The following PTPRN2 variants were observed in gnomAD, a reference collection of about 807,000 sequenced individuals.
PTPRN2 encodes the protein receptor-type tyrosine-protein phosphatase N2.
Under a neutral mutation model 118.8 loss-of-function variants are expected in PTPRN2, and 74 were observed. The ratio of observed to expected loss-of-function variants is 0.62; its 90% CI spans 0.52 to 0.76. The LOEUF is 0.76. Ranked by LOEUF, PTPRN2 falls within the 30% of genes least tolerant of loss-of-function variation. The pLI, the probability that PTPRN2 is intolerant of heterozygous loss-of-function variation, is 0.00. For missense variants in PTPRN2, 1,481 were observed against 1,394.4 expected (o/e 1.06, Z -0.99); for synonymous variants, 641 against 608.0 (o/e 1.05, Z -0.80).
At chr7:158,341,840 C>A (rs1488433656) in intron 2 of PTPRN2, among the ~76,000 whole-genome samples, 1 of 87,050 alleles carries the variant, frequency 1.1e-5, no homozygotes, top group African/African-American at 5.3e-5. Flanking sequence ...TCACTCACAC[C>A]CACACTCTCA....
chr7:157,977,594 G>A lies in PTPRN2; in HGVS notation c.1724-78857C>T, dbSNP rs2128824733. 6.6e-6 allele frequency among the ~76,000 whole-genome samples: 1 copy of A among 151,874 alleles called. No individual in the cohort carries two copies. The highest frequency in any genetic ancestry group is 1.9e-4 in the East Asian group (1 of 5,150). On this transcript the variant is annotated intron_variant, in intron 11 of 22. Coordinates refer to ENST00000389418, the MANE Select transcript of PTPRN2 (RefSeq NM_002847.5). This position sits in a 1 kb window ranked among gnomAD's most constrained non-coding sequence, Gnocchi z 4.6. The stretch of plus-strand genomic sequence containing the variant: ...GGTGGGATGACGTGAGAAGGCCCCA[G>A]GTGGGATGACGTGAGTGTGTTCATG...
chr7:158,149,953 A>T (rs1820788103), intron 6 of PTPRN2, among the ~76,000 whole-genome samples: 1 of 152,230 alleles, frequency 6.6e-6, no homozygotes, highest in South Asian at 2.1e-4. Flanking sequence ...ATGAAAAATA[A>T]AAATAGAAAG....
intron 11 of PTPRN2, 30 bp from the exon 12 acceptor site, chr7:157,898,767 T>G: frequency 6.4e-7 from 1 of 1,562,498 alleles, no homozygotes; most frequent in Non-Finnish European, 8.8e-7. Context: ...AGCACAAGAG[T>G]CAGGTTGGAG....
At chr7:158,540,971 A>G (rs1323560028) in intron 1 of PTPRN2, among the ~76,000 whole-genome samples, 5 of 151,878 alleles carry the variant, frequency 3.3e-5, no homozygotes, top group Non-Finnish European at 7.4e-5. Context: ...CCCTACTACC[A>G]CCTGCAGGAT....
intron 12 of PTPRN2, among the ~76,000 whole-genome samples, chr7:157,894,798 C>T (rs35276820): frequency 0.33 from 49,676 of 152,076 alleles, 8,366 homozygotes; most frequent in East Asian, 0.43. Flanking sequence ...GACCACCTAC[C>T]AGCTGGGGAA....
Position 157,585,894 on chromosome 7 carries a change from A to G in PTPRN2, c.2497-7754T>C, listed in dbSNP as rs1800645751. Among the ~76,000 whole-genome samples, 1 of 152,184 alleles carries G rather than the reference A, an allele frequency of 6.6e-6. No homozygotes were observed. Among genetic ancestry groups the G allele is most frequent in the African/African-American group, 2.4e-5 (1 of 41,444 alleles). Reference sequence around the variant, plus strand: ...GACCTGTCCTTTCTACTTGAGTCCCATTTTAAATTCCGCATGTGTGCGGCG... The same window carrying G: ...GACCTGTCCTTTCTACTTGAGTCCCGTTTTAAATTCCGCATGTGTGCGGCG... On this transcript the variant is annotated intron_variant, in intron 17 of 22. Transcript: ENST00000389418. The surrounding 1 kb of genome is among the most constrained non-coding windows in gnomAD (Gnocchi z 5.2).
rs144069095 is a variant in PTPRN2, at chr7:157,959,555, G to A, written c.1724-60818C>T. On this transcript the variant is annotated intron_variant, in intron 11 of 22. Transcript: ENST00000389418. ...TTGGAATAGACATTTCTCCAAAGAC[G>A]ACGTGCAGATGGAGAGTGAGCCCAT... 2.8e-3 allele frequency among the ~76,000 whole-genome samples: 427 copies of A among 152,256 alleles called. 3 individuals are homozygous for A. The highest frequency in any genetic ancestry group is 4.5e-3 in the Admixed American group (69 of 15,288).
chr7:157,638,452 G>T (rs1245723470), intron 14 of PTPRN2, among the ~76,000 whole-genome samples: 1 of 152,264 alleles, frequency 6.6e-6, no homozygotes, highest in Non-Finnish European at 1.5e-5. Flanking sequence ...GTTGGTGAAG[G>T]GAAGAGAACA....
At chr7:158,025,906 G>A (rs994573460) in intron 11 of PTPRN2, among the ~76,000 whole-genome samples, 13 of 152,318 alleles carry the variant, frequency 8.5e-5, no homozygotes, top group African/African-American at 2.9e-4. Context: ...CTATTGTCCG[G>A]GTCTTATTTT....
chr7:158,249,290 T>C (rs902316877), intron 3 of PTPRN2, among the ~76,000 whole-genome samples: 20 of 150,342 alleles, frequency 1.3e-4, no homozygotes, highest in Non-Finnish European at 2.4e-4. Flanking sequence ...CATACACACA[T>C]GCATACATAT....
intron 13 of PTPRN2, among the ~76,000 whole-genome samples, chr7:157,670,242 T>A (rs1010824061): frequency 1.3e-5 from 2 of 152,166 alleles, no homozygotes; most frequent in African/African-American, 4.8e-5. Context: ...AGAAGGCACG[T>A]ACGGGCTCAC....
rs781385233 is a variant in PTPRN2 at position 157,656,492 on chromosome 7, C to G, written c.2061G>C (p.Thr687=). 2 of 1,553,940 alleles carry G rather than the reference C, an allele frequency of 1.3e-6. No individual in the cohort carries two copies. Among genetic ancestry groups the G allele is most frequent in the African/African-American group, 2.7e-5 (2 of 73,438 alleles). The change falls in exon 14 of 23, where the codon ACG becomes ACC. Residue 687 remains threonine (T), a synonymous_variant. Coordinates refer to ENST00000389418, the MANE Select transcript of PTPRN2 (RefSeq NM_002847.5). Reference sequence around the variant, plus strand: ...GGGATGAGACGCTGCTGATGCGTGACGTGTGCGGGCCCTCAGGTCGGTCTG... The same window carrying G: ...GGGATGAGACGCTGCTGATGCGTGAGGTGTGCGGGCCCTCAGGTCGGTCTG... ...RPPDRPEGPH[T]SRISSVSSQF...
chr7:157,757,099 AG>A (rs1355908143), intron 12 of PTPRN2, among the ~76,000 whole-genome samples: 2 of 151,878 alleles, frequency 1.3e-5, no homozygotes, highest in African/African-American at 2.4e-5. Flanking sequence ...ACAAGATAAA[AG>A]TTTTTTTTTA....
chr7:157,545,577 C>G (rs76751748), intron 22 of PTPRN2, among the ~76,000 whole-genome samples: 1 of 152,008 alleles, frequency 6.6e-6, no homozygotes, highest in Non-Finnish European at 1.5e-5. Context: ...CCCGCACTGC[C>G]GTTCAGCCCC....
At chr7:157,769,679 G>C (rs1411781803) in intron 12 of PTPRN2, among the ~76,000 whole-genome samples, 1 of 152,170 alleles carries the variant, frequency 6.6e-6, no homozygotes, top group African/African-American at 2.4e-5. Flanking sequence ...ATTTGTAACA[G>C]CACAGCAGAC....
At chr7:157,607,345 A>T (rs1444057926) in intron 15 of PTPRN2, among the ~76,000 whole-genome samples, 1 of 152,214 alleles carries the variant, frequency 6.6e-6, no homozygotes, top group Non-Finnish European at 1.5e-5. Context: ...GCCCACACAG[A>T]GCGTGGGAAT....
intron 3 of PTPRN2, among the ~76,000 whole-genome samples, chr7:158,305,331 A>G (rs1301927674): frequency 6.6e-6 from 1 of 152,132 alleles, no homozygotes; most frequent in African/African-American, 2.4e-5. Context: ...GGACAACAGA[A>G]AAAATAGGGA....
At chr7:157,668,511 G>A (rs769253588) in intron 13 of PTPRN2, among the ~76,000 whole-genome samples, 33 of 152,310 alleles carry the variant, frequency 2.2e-4, no homozygotes, top group Non-Finnish European at 3.7e-4. Flanking sequence ...GGAATTAAAC[G>A]TACAAAGCTG....
intron 14 of PTPRN2, among the ~76,000 whole-genome samples, chr7:157,626,862 A>T (rs573912609): frequency 2.5e-4 from 38 of 152,342 alleles, no homozygotes; most frequent in African/African-American, 9.1e-4. Context: ...AAAGGAGCAT[A>T]AGGAACTTGG....
Sources: allele counts gnomAD v4.1 joint callset (sites outside exome capture counted in the v4.1 genomes callset), GRCh38; gene constraint gnomAD v4.1.1; non-coding constraint Gnocchi (gnomAD v3.1); transcripts MANE v1.5; gene names NCBI Gene and HGNC (gene_info 2026-07-23, HGNC 2026-07-21).